The following FOXP1 variants were observed in gnomAD, a reference collection of about 807,000 sequenced individuals.
FOXP1 encodes forkhead box protein P1.
Under a neutral mutation model 98.2 loss-of-function variants are expected in FOXP1, and 15 were observed. The observed-to-expected ratio is 0.15, with a 90% CI of 0.10 to 0.24. FOXP1 has a LOEUF of 0.24. Among genes scored for constraint, FOXP1 ranks in the 10% least tolerant of loss-of-function variants. The pLI is 1.00. For missense variants in FOXP1, 633 were observed against 848.5 expected, an observed-to-expected ratio of 0.75 and a Z score of 3.15; for synonymous variants, 371 against 314.5, an observed-to-expected ratio of 1.18 and a Z score of -1.90.
At chr3:71,141,266 C>CAAAAAAAA (rs71621921) in intron 6 of FOXP1, among the ~76,000 whole-genome samples, 2 of 71,844 alleles carry the variant, frequency 2.8e-5, no homozygotes, top group Non-Finnish European at 5.9e-5. Flanking sequence ...GACTCTGTCT[C>CAAAAAAAA]AAAAAAAAAA....
At chr3:71,231,148 C>T (rs1256031445) in intron 5 of FOXP1, among the ~76,000 whole-genome samples, 9 of 152,146 alleles carry the variant, frequency 5.9e-5, no homozygotes, top group Admixed American at 5.9e-4. Context: ...TCAATGAGGA[C>T]AATTTGGTTT....
intron 3 of FOXP1, among the ~76,000 whole-genome samples, chr3:71,398,470 GGTATAAGCTAATGTGA>G (rs1271858060): frequency 6.6e-6 from 1 of 152,136 alleles, no homozygotes; most frequent in African/African-American, 2.4e-5. Flanking sequence ...CTACTTTGCT[GGTATAAGCTAATGTGA>G]ACCCTTTTCA....
At chr3:71,361,381 C>T (rs750586206) in intron 3 of FOXP1, among the ~76,000 whole-genome samples, 14 of 152,192 alleles carry the variant, frequency 9.2e-5, no homozygotes, top group Non-Finnish European at 1.6e-4. Flanking sequence ...AAACTATGAG[C>T]TGTGGACTCC....
At chr3:71,459,277 T>C (rs2087793093) in intron 3 of FOXP1, among the ~76,000 whole-genome samples, 1 of 152,240 alleles carries the variant, frequency 6.6e-6, no homozygotes, top group African/African-American at 2.4e-5. Context: ...TGAAGAGCTC[T>C]GGATTGCAAG....
intron 6 of FOXP1, among the ~76,000 whole-genome samples, chr3:71,185,506 A>G (rs1329763860): frequency 1.3e-5 from 2 of 152,220 alleles, no homozygotes. Flanking sequence ...TTTGTGAAAT[A>G]TGGACAACAC....
At chr3:71,049,677 C>T (rs2049572508) in intron 9 of FOXP1, among the ~76,000 whole-genome samples, 1 of 152,022 alleles carries the variant, frequency 6.6e-6, no homozygotes, top group Non-Finnish European at 1.5e-5. Flanking sequence ...AATTATGAGC[C>T]GCTAATGACT....
intron 2 of FOXP1, among the ~76,000 whole-genome samples, chr3:71,513,149 T>C (rs2042319241): frequency 6.6e-6 from 1 of 152,188 alleles, no homozygotes; most frequent in African/African-American, 2.4e-5. Flanking sequence ...TCCTCTGGAA[T>C]GTCTAGACAT....
chr3:71,252,459 G>C (rs2068275866), intron 5 of FOXP1, among the ~76,000 whole-genome samples: 1 of 152,186 alleles, frequency 6.6e-6, no homozygotes, highest in Non-Finnish European at 1.5e-5. Context: ...CCTTGAGAGA[G>C]TGGAGCTAAT....
At chr3:71,349,440 A>G (rs951255390) in intron 4 of FOXP1, among the ~76,000 whole-genome samples, 24 of 152,342 alleles carry the variant, frequency 1.6e-4, no homozygotes, top group African/African-American at 5.8e-4. Flanking sequence ...TAGTAATCAG[A>G]GTTAACAGAC....
chr3:71,515,507 GGT>G (rs1280142703), intron 2 of FOXP1, among the ~76,000 whole-genome samples: 2 of 150,478 alleles, frequency 1.3e-5, no homozygotes, highest in East Asian at 3.9e-4. Flanking sequence ...ACGCTTGCAG[GGT>G]AACAGTCATT....
At chr3:70,969,824 C>CA (rs1273914091) in intron 19 of FOXP1, 2 of 152,122 alleles carry the variant, frequency 1.3e-5, no homozygotes, top group Non-Finnish European at 2.9e-5. Flanking sequence ...TATTGGATGA[C>CA]AAATGTCAGA....
chr3:71,420,919 G>A (rs1446544902), intron 3 of FOXP1, among the ~76,000 whole-genome samples: 3 of 152,096 alleles, frequency 2.0e-5, no homozygotes, highest in Non-Finnish European at 4.4e-5. Flanking sequence ...AGGCTACCAT[G>A]TGAGTTCTAC....
intron 3 of FOXP1, among the ~76,000 whole-genome samples, chr3:71,389,254 C>CGGGGGGG (rs1560413261): frequency 3.3e-4 from 2 of 6,066 alleles, no homozygotes; most frequent in African/African-American, 5.1e-4. Flanking sequence ...GGGGGGGGGC[C>CGGGGGGG]GGGGGGGGCG....
At chr3:70,991,825 A>G (rs901712750) in intron 13 of FOXP1, among the ~76,000 whole-genome samples, 1 of 152,200 alleles carries the variant, frequency 6.6e-6, no homozygotes, top group Non-Finnish European at 1.5e-5. Context: ...AGGGGCAGAA[A>G]TAAGACTAGG....
chr3:71,240,418 T>C (rs1331925904), intron 5 of FOXP1, among the ~76,000 whole-genome samples: 4 of 152,266 alleles, frequency 2.6e-5, no homozygotes, highest in African/African-American at 4.8e-5. Context: ...AGAGCATCTA[T>C]GTGCAAAGCG....
chr3:71,322,570 G>A (rs969215268), intron 4 of FOXP1, among the ~76,000 whole-genome samples: 6 of 152,172 alleles, frequency 3.9e-5, no homozygotes, highest in African/African-American at 1.4e-4. Context: ...TTATAGGACA[G>A]AAAACAGGAG....
intron 13 of FOXP1, among the ~76,000 whole-genome samples, chr3:70,991,338 T>C (rs2040567898): frequency 6.6e-6 from 1 of 152,178 alleles, no homozygotes; most frequent in African/African-American, 2.4e-5. Context: ...TCCTCTTCTA[T>C]TAGCCATGGC....
intron 2 of FOXP1, among the ~76,000 whole-genome samples, chr3:71,531,704 G>A (rs917341596): frequency 6.6e-6 from 1 of 152,170 alleles, no homozygotes; most frequent in Non-Finnish European, 1.5e-5. Context: ...ACTAGGTAAA[G>A]GTAACCATCT....
intron 3 of FOXP1, among the ~76,000 whole-genome samples, chr3:71,388,259 C>T (rs1165076202): frequency 6.6e-6 from 1 of 152,204 alleles, no homozygotes; most frequent in Non-Finnish European, 1.5e-5. Context: ...CTAAATGCAT[C>T]ATTCAACTGC....
Sources: gnomAD v4.1 joint callset for allele counts (sites outside exome capture counted in the v4.1 genomes callset) on GRCh38, gnomAD v4.1.1 for gene constraint, MANE v1.5 for transcripts, NCBI Gene and HGNC (gene_info 2026-07-23, HGNC 2026-07-21) for gene names.